The following SLC4A8 variants were observed in gnomAD, a reference collection of about 807,000 sequenced individuals.
SLC4A8 encodes the protein electroneutral sodium bicarbonate exchanger 1.
Under a neutral mutation model 125.0 loss-of-function variants are expected in SLC4A8, and 40 were observed. The ratio of observed to expected loss-of-function variants is 0.32; its 90% CI spans 0.25 to 0.42. The LOEUF (loss-of-function observed/expected upper bound fraction) is 0.42, where lower values mean the gene tolerates loss of function less well. Among genes scored for constraint, SLC4A8 ranks in the 10% least tolerant of loss-of-function variants. The pLI, the probability that SLC4A8 is intolerant of heterozygous loss-of-function variation, is 1.00. For missense variants in SLC4A8, 863 were observed against 1,355.1 expected (o/e 0.64, Z 5.70); for synonymous variants, 456 against 476.0 (o/e 0.96, Z 0.55).
At chr12:51,417,667 G>A (rs541671471) in intron 1 of SLC4A8, among the ~76,000 whole-genome samples, 105 of 152,230 alleles carry the variant, frequency 6.9e-4, no homozygotes, top group African/African-American at 2.1e-3. Flanking sequence ...ACAGGCATGC[G>A]CCACCACACC....
At chr12:51,471,113 C>G (rs1031388949) in intron 13 of SLC4A8, among the ~76,000 whole-genome samples, 174 bp from the exon 14 acceptor site, 2 of 151,952 alleles carry the variant, frequency 1.3e-5, no homozygotes, top group Non-Finnish European at 2.9e-5. Context: ...TCCTGTGAGG[C>G]AAATCTGTAT....
chr12:51,432,856 A>G (rs1949242415), intron 1 of SLC4A8, among the ~76,000 whole-genome samples: 1 of 152,154 alleles, frequency 6.6e-6, no homozygotes, highest in Admixed American at 6.5e-5. Flanking sequence ...GGTGGGAGTG[A>G]AGTAGAATGT....
rs1243483083 is a variant in SLC4A8 at position 51,511,056 on chromosome 12, A to G, written c.*3618A>G. 6.6e-6 allele frequency: 1 copy of G among 152,072 alleles called. No homozygotes were observed. The highest frequency in any genetic ancestry group is 2.4e-5 in the African/African-American group (1 of 41,378). 9.4% of individuals were successfully genotyped at this position (152,072 alleles called of 1,614,324 possible). A position where few individuals can be genotyped will look rare whatever the true frequency, so the allele number is the denominator to read the frequency against. On this transcript the variant is annotated 3_prime_UTR_variant, in exon 25 of 25. Coordinates refer to ENST00000453097, the MANE Select transcript of SLC4A8 (RefSeq NM_001039960.3). ...ACGACTTCATGGGTCAGTCCACATG[A>G]TTGCAGGATTTCCCATTGTTCATCT...
At chr12:51,407,648 C>T (rs1948514507) in intron 1 of SLC4A8, among the ~76,000 whole-genome samples, 1 of 152,170 alleles carries the variant, frequency 6.6e-6, no homozygotes, top group African/African-American at 2.4e-5. Flanking sequence ...AGGCTCCTTG[C>T]TCTCCAGGAA....
At chr12:51,476,049 A>G (rs1456532694) in intron 16 of SLC4A8, among the ~76,000 whole-genome samples, 1 of 152,260 alleles carries the variant, frequency 6.6e-6, no homozygotes, top group African/African-American at 2.4e-5. Flanking sequence ...CCTGGGTTAC[A>G]TGTACTTTTA....
intron 1 of SLC4A8, among the ~76,000 whole-genome samples, chr12:51,415,252 C>T (rs1378815789): frequency 6.6e-6 from 1 of 151,854 alleles, no homozygotes; most frequent in East Asian, 1.9e-4. Context: ...ATGCTGGCCT[C>T]ATGGAATGAG....
chr12:51,473,296 T>G (rs993158012), intron 14 of SLC4A8, among the ~76,000 whole-genome samples: 4 of 152,360 alleles, frequency 2.6e-5, no homozygotes, highest in African/African-American at 9.6e-5. Flanking sequence ...GTTGGAATCA[T>G]ACAGTACGTA....
At chr12:51,433,115 G>A (rs561636644) in intron 1 of SLC4A8, among the ~76,000 whole-genome samples, 1 of 152,292 alleles carries the variant, frequency 6.6e-6, no homozygotes, top group Admixed American at 6.5e-5. Flanking sequence ...GTAAGACTGA[G>A]CTCTGCCCGT....
intron 1 of SLC4A8, among the ~76,000 whole-genome samples, chr12:51,434,698 CCTCTGTTT>C (rs1949345577): frequency 6.6e-6 from 1 of 151,982 alleles, no homozygotes; most frequent in African/African-American, 2.4e-5. Flanking sequence ...ACCCTCCCTC[CCTCTGTTT>C]CTCTAGATTC....
rs920152114 is a variant in SLC4A8 at position 51,512,025 on chromosome 12, G to A, written c.*4587G>A. The A allele has an allele frequency of 2.0e-5, 3 of 152,186 alleles. No individual in the cohort carries two copies. Among genetic ancestry groups the A allele is most frequent in the Admixed American group, 1.3e-4 (2 of 15,288 alleles). The allele number at this position is 152,186 out of a possible 1,614,324, so 9.4% of individuals were successfully genotyped here. A position where few individuals can be genotyped will look rare whatever the true frequency, so the allele number is the denominator to read the frequency against. The stretch of plus-strand genomic sequence containing the variant: ...GTTGCATGATATAATCCAAGCCTGT[G>A]GGCTGTGTCATCCGGGATTGTTGGA... On this transcript the variant is annotated 3_prime_UTR_variant, in exon 25 of 25. Transcript: ENST00000453097.
intron 4 of SLC4A8, 60 bp from the exon 5 acceptor site, chr12:51,453,479 T>C: frequency 6.4e-7 from 1 of 1,551,142 alleles, no homozygotes; most frequent in Admixed American, 1.7e-5. Context: ...CATCGAAGAT[T>C]CTCTCTTAAA....
chr12:51,422,483 G>A (rs1228565569), upstream of SLC4A8, among the ~76,000 whole-genome samples: 1 of 152,042 alleles, frequency 6.6e-6, no homozygotes, highest in African/African-American at 2.4e-5. Context: ...GCTTCCTGAG[G>A]GGCTGGGACT....
intron 1 of SLC4A8, among the ~76,000 whole-genome samples, chr12:51,417,803 A>G: frequency 6.6e-6 from 1 of 152,122 alleles, no homozygotes. Flanking sequence ...GGCGTGAGCC[A>G]CTGCACCCGG....
chr12:51,398,747 T>G (rs1190872662), intron 1 of SLC4A8, among the ~76,000 whole-genome samples: 4 of 152,102 alleles, frequency 2.6e-5, no homozygotes. Flanking sequence ...AGTTTCTGTT[T>G]CTTTCTTTTT....
intron 11 of SLC4A8, 38 bp from the exon 12 acceptor site, chr12:51,469,576 C>A: frequency 6.3e-7 from 1 of 1,586,918 alleles, no homozygotes; most frequent in South Asian, 1.1e-5. Context: ...TTAGGGAAGA[C>A]GGACTGTGTT....
At chr12:51,401,253 C>A (rs1376801678) in intron 1 of SLC4A8, among the ~76,000 whole-genome samples, 1 of 152,130 alleles carries the variant, frequency 6.6e-6, no homozygotes, top group Admixed American at 6.5e-5. Flanking sequence ...TGGATTAGAC[C>A]CTCTGCCTTA....
Position 51,477,133 on chromosome 12 carries a change from A to T in SLC4A8, c.2172+1927A>T, listed in dbSNP as rs917213097. Among the ~76,000 whole-genome samples the T allele has an allele frequency of 2.0e-5, 3 of 151,702 alleles. No individual in the cohort carries two copies. The East Asian group carries it at 5.8e-4, about 29-fold the overall frequency. On this transcript the variant is annotated intron_variant, in intron 16 of 24. Coordinates refer to ENST00000453097, the MANE Select transcript of SLC4A8 (RefSeq NM_001039960.3). ...TGGTTAGGCTGGTCTCGAACTCCCA[A>T]CCTCAGGTGATCCGCCTGCCTCAGC...
At chr12:51,459,223 T>C (rs933990384) in intron 7 of SLC4A8, among the ~76,000 whole-genome samples, 1 of 152,226 alleles carries the variant, frequency 6.6e-6, no homozygotes, top group Non-Finnish European at 1.5e-5. Context: ...CCTCTGCTCA[T>C]AAGGCTTCCC....
At chr12:51,425,539 G>A (rs1205571997) in intron 1 of SLC4A8, 1 of 560,780 alleles carries the variant, frequency 1.8e-6, no homozygotes, top group Non-Finnish European at 2.3e-6. Context: ...CCCGGTTTGT[G>A]ACTCCCTCTG....
Sources: allele counts gnomAD v4.1 joint callset (sites outside exome capture counted in the v4.1 genomes callset), GRCh38; gene constraint gnomAD v4.1.1; transcripts MANE v1.5; gene names NCBI Gene and HGNC (gene_info 2026-07-23, HGNC 2026-07-21).